MUC5B: variants seen among roughly 807,000 people sequenced by gnomAD.
MUC5B encodes mucin 5B, oligomeric mucus/gel-forming.
MUC5B carries 116 observed loss-of-function variants against 376.9 expected under a neutral mutation model. The observed-to-expected ratio is 0.31, with a 90% CI of 0.26 to 0.36. The LOEUF is 0.36. MUC5B is among the 10% of genes least tolerant of loss of function. MUC5B has a pLI of 1.00. For missense variants in MUC5B, 7,165 were observed against 7,769.9 expected, an observed-to-expected ratio of 0.92 and a Z score of 2.93; for synonymous variants, 3,517 against 3,390.9, an observed-to-expected ratio of 1.04 and a Z score of -1.29.
chr11:1,235,326 C>T lies in MUC5B; in HGVS notation c.2793C>T (p.Thr931=). 6.2e-7 allele frequency: 1 copy of T among 1,613,052 alleles called. No homozygotes were observed. Among genetic ancestry groups the T allele is most frequent in the Non-Finnish European group, 8.5e-7 (1 of 1,179,768 alleles). The change falls in exon 23 of 49, where the codon ACC becomes ACT. Residue 931 remains threonine, a synonymous_variant. Coordinates refer to ENST00000529681, the MANE Select transcript of MUC5B (RefSeq NM_002458.3). ...AGGACTACTGTGGGGACAACACCAC[C>T]CACGGGACCTTCCGCATCGTCACCG... ...LAQDYCGDNT[T]HGTFRIVTEN...
intron 32 of MUC5B, 58 bp from the exon 33 acceptor site, chr11:1,252,751 G>A: frequency 6.5e-7 from 1 of 1,534,348 alleles, no homozygotes. Flanking sequence ...GGTGGGATGA[G>A]CCGTGGATGG....
Position 1,234,941 on chromosome 11 carries a change from C to T in MUC5B, c.2631-144C>T. The stretch of plus-strand genomic sequence containing the variant: ...CGTGCCCTGCATTCACAGTGGGGGA[C>T]ACCACTTCTTCCACGGAGGAGGGGT... On this transcript the variant is annotated intron_variant, in intron 21 of 48. Coordinates refer to ENST00000529681, the MANE Select transcript of MUC5B (RefSeq NM_002458.3). The surrounding 1 kb of genome is among the most constrained non-coding windows in gnomAD (Gnocchi z 6.3). 11 of 1,219,614 alleles carry T rather than the reference C, an allele frequency of 9.0e-6. No individual in the cohort carries two copies. The highest frequency in any genetic ancestry group is 1.2e-5 in the Non-Finnish European group (11 of 901,542). 75.5% of individuals were successfully genotyped at this position (1,219,614 alleles called of 1,614,324 possible). A position where few individuals can be genotyped will look rare whatever the true frequency, so the allele number is the denominator to read the frequency against.
rs567659335 is a variant in MUC5B, at chr11:1,227,409, C to G, written c.667+11C>G. ...AGTTCTATGCCCACAGTGAGTGCCA[C>G]CTGGGTGAGGGGGCGGTGACCAATT... On this transcript the variant is annotated intron_variant, in intron 6 of 48. Transcript: ENST00000529681. 6.9e-6 allele frequency: 11 copies of G among 1,598,398 alleles called. No individual in the cohort carries two copies. In the Admixed American group the frequency reaches 1.7e-4, roughly 25 times the overall value.
chr11:1,243,674 C>A lies in MUC5B; in HGVS notation c.6794C>A (p.Pro2265His), dbSNP rs772342643. 1 of 1,611,580 alleles carries A rather than the reference C, an allele frequency of 6.2e-7. No individual in the cohort carries two copies. The highest frequency in any genetic ancestry group is 1.7e-5 in the Admixed American group (1 of 59,994). ...PHPSSRTTES[P>H]PSPGTTTPGH... is the part of the protein sequence containing the mutation. ...CCTAGCAGCAGAACCACCGAGTCAC[C>A]CCCTTCTCCAGGGACGACCACCCCG... The change falls in exon 31 of 49, where the codon CCC becomes CAC. Residue 2265 changes from proline (P) to histidine (H), a missense_variant. Pro to His is a moderately conservative substitution (Grantham distance 77). Transcript: ENST00000529681.
chr11:1,241,522 G>C lies in MUC5B; in HGVS notation c.4642G>C (p.Glu1548Gln), dbSNP rs940920030. 45 of 1,613,178 alleles carry C rather than the reference G, an allele frequency of 2.8e-5. No homozygotes were observed. The Admixed American group carries it at 6.2e-4, about 22-fold the overall frequency. Residue 1548 changes from glutamate (E) to glutamine (Q), a missense_variant, in exon 31 of 49, where the codon GAG becomes CAG. This residue lies in a region of MUC5B where 517 missense variants were observed against 545.3 expected (regional missense o/e 0.95). Transcript: ENST00000529681. The stretch of plus-strand genomic sequence containing the variant: ...CTTATGCCAGCAGCCTAAGGACATA[G>C]AGTGCCAGGCCGAGAGCTTCCCCAA... ...GHLCQQPKDI[E>Q]CQAESFPNWT...
Position 1,236,432 on chromosome 11 carries a change from G to C in MUC5B, c.2927G>C (p.Arg976Thr). 1.2e-6 allele frequency: 2 copies of C among 1,612,584 alleles called. No individual in the cohort carries two copies. The highest frequency in any genetic ancestry group is 1.7e-4 in the Middle Eastern group (1 of 6,060). ...LQEGTFKAVA[R>T]GPGGDPPYKI... ...GAGGGGACCTTTAAGGCGGTGGCGA[G>C]AGGGCCGGGTGGGGACCCACCCTAC... Residue 976 changes from arginine to threonine, a missense_variant, in exon 24 of 49, where the codon AGA becomes ACA. Arg to Thr is a moderately conservative substitution (Grantham distance 71). This residue lies in a region of MUC5B where 530 missense variants were observed against 604.0 expected (regional missense o/e 0.88). Transcript: ENST00000529681.
In MUC5B at chr11:1,258,230, G is replaced by T; in HGVS notation, c.16555+27G>T. ...TGAGCGGGGCTGGGGCCGGGCTCCT[G>T]GGTGGCCTCTTGCTGGGGGTGGGGG... On this transcript the variant is annotated intron_variant, in intron 42 of 48. Transcript: ENST00000529681. This position sits in a 1 kb window ranked among gnomAD's most constrained non-coding sequence, Gnocchi z 5.5. 2 of 1,573,436 alleles carry T rather than the reference G, an allele frequency of 1.3e-6. No homozygotes were observed. The highest frequency in any genetic ancestry group is 1.3e-5 in the African/African-American group (1 of 74,302).
chr11:1,247,656 C>T lies in MUC5B; in HGVS notation c.10776C>T (p.Gly3592=), dbSNP rs368451919. ...DYSYPMPGPS[G]GDFDTYSNIR... ...GCTACCCCATGCCGGGGCCCTCTGG[C>T]GGGGACTTTGACACCTACTCCAACA... Residue 3592 remains glycine, a synonymous_variant, in exon 31 of 49, where the codon GGC becomes GGT. Transcript: ENST00000529681. The T allele has an allele frequency of 6.6e-4, 1,055 of 1,597,292 alleles. 8 individuals are homozygous for T. The highest frequency in any genetic ancestry group is 8.5e-4 in the Non-Finnish European group (998 of 1,169,426).
chr11:1,228,172 C>A (rs957923582), intron 7 of MUC5B, among the ~76,000 whole-genome samples: 5 of 152,188 alleles, frequency 3.3e-5, no homozygotes, highest in African/African-American at 1.2e-4. Context: ...ATGAGCCCCC[C>A]TGTGAGCTGG....
At position 1,241,841 on chromosome 11, in the gene MUC5B, CAGA is replaced by C. The variant is rs765826981; in HGVS notation, c.4964_4966del (p.Glu1655del). Reference sequence around the variant, plus strand: ...AGCACCACAGCAGTCCCCACCCTCTCAGAAGGACTGACATCCCCCAGATACACA... The same window carrying C: ...AGCACCACAGCAGTCCCCACCCTCTCAGGACTGACATCCCCCAGATACACA... On this transcript the variant is annotated inframe_deletion, in exon 31 of 49. Coordinates refer to ENST00000529681, the MANE Select transcript of MUC5B (RefSeq NM_002458.3). 3 of 1,613,518 alleles carry C rather than the reference CAGA, an allele frequency of 1.9e-6. No homozygotes were observed. The highest frequency in any genetic ancestry group is 2.5e-6 in the Non-Finnish European group (3 of 1,179,728).
intron 25 of MUC5B, among the ~76,000 whole-genome samples, chr11:1,238,307 G>A (rs1261671211): frequency 6.6e-6 from 1 of 152,242 alleles, no homozygotes; most frequent in Non-Finnish European, 1.5e-5. Context: ...ATCAGGGGAC[G>A]AGGCTGACCC....
rs182444794 is a variant in MUC5B at position 1,235,495 on chromosome 11, T to C, written c.2880+82T>C. 4.7e-3 allele frequency: 5,684 copies of C among 1,203,560 alleles called. 25 individuals are homozygous for C. The highest frequency in any genetic ancestry group is 6.0e-3 in the Non-Finnish European group (4,969 of 832,792). The allele number at this position is 1,203,560 out of a possible 1,614,324, so 74.6% of individuals were successfully genotyped here. A position where few individuals can be genotyped will look rare whatever the true frequency, so the allele number is the denominator to read the frequency against. On this transcript the variant is annotated intron_variant, in intron 23 of 48. Coordinates refer to ENST00000529681, the MANE Select transcript of MUC5B (RefSeq NM_002458.3). ...CAGGGAAGCTTCGTGAGGCTTTAGCTGCACCCACAGGTTCTCAGCAGTGTC... is the reference window on the plus strand; with the variant it reads ...CAGGGAAGCTTCGTGAGGCTTTAGCCGCACCCACAGGTTCTCAGCAGTGTC...
Position 1,255,172 on chromosome 11 carries a change from A to G in MUC5B, c.15796A>G (p.Thr5266Ala). ...RKDGCWAPTG[T>A]PPTASPAAPV... ...GGATGGCTGCTGGGCCCCGACTGGC[A>G]CACCCCCCACTGCCAGCCCCGCAGC... is the stretch of plus-strand genomic sequence containing the variant. Residue 5266 changes from threonine (T) to alanine (A), a missense_variant, in exon 36 of 49, where the codon ACA (threonine) becomes GCA (alanine). Physicochemically the swap from Thr to Ala is moderately conservative, Grantham distance 58. Coordinates refer to ENST00000529681, the MANE Select transcript of MUC5B (RefSeq NM_002458.3). 6.4e-7 allele frequency: 1 copy of G among 1,557,038 alleles called. No individual in the cohort carries two copies. The highest frequency in any genetic ancestry group is 8.7e-7 in the Non-Finnish European group (1 of 1,151,412).
intron 7 of MUC5B, 132 bp downstream of exon 7, chr11:1,227,913 C>G: frequency 3.3e-6 from 2 of 610,036 alleles, no homozygotes; most frequent in Non-Finnish European, 5.9e-6. Context: ...GGCAGCCACC[C>G]TCTGTGTGCT....
In MUC5B at chr11:1,260,116, G is replaced by T. The variant is rs753343070; in HGVS notation, c.16923+31G>T. The stretch of plus-strand genomic sequence containing the variant: ...TGCTGGAGGCCCTGCCCCTGCCTGG[G>T]AGTCCTTGTCCATCAGGGAGGCCCA... On this transcript the variant is annotated intron_variant, in intron 46 of 48. Transcript: ENST00000529681. 5 of 1,608,980 alleles carry T rather than the reference G, an allele frequency of 3.1e-6. No homozygotes were observed. The South Asian group carries it at 4.4e-5, about 14-fold the overall frequency.
chr11:1,246,891 C>A lies in MUC5B; in HGVS notation c.10011C>A (p.Thr3337=), dbSNP rs1183489439. 1.9e-6 allele frequency: 3 copies of A among 1,610,792 alleles called. No individual in the cohort carries two copies. The highest frequency in any genetic ancestry group is 1.3e-5 in the African/African-American group (1 of 74,838). ...ALTPPVWIST[T]TTPTTRGSTV... ...CGCCTCCAGTGTGGATCAGCACAAC[C>A]ACCACACCCACAACCAGAGGCTCCA... Residue 3337 remains threonine, a synonymous_variant, in exon 31 of 49, where the codon ACC becomes ACA. Coordinates refer to ENST00000529681, the MANE Select transcript of MUC5B (RefSeq NM_002458.3).
Position 1,234,533 on chromosome 11 carries a change from G to C in MUC5B, c.2483G>C (p.Ser828Thr). ...SCHTLDVGCF[S>T]THCVSGCVCP... ...GTACCTGCCTGGGCCCCACAGTTCAGCACACACTGCGTGTCCGGCTGTGTC... is the reference window on the plus strand; with the variant it reads ...GTACCTGCCTGGGCCCCACAGTTCACCACACACTGCGTGTCCGGCTGTGTC... Residue 828 changes from serine (S) to threonine (T), a missense_variant, in exon 21 of 49, where the codon AGC becomes ACC. By Grantham distance (58) the Ser-to-Thr change is moderately conservative. Transcript: ENST00000529681. The surrounding 1 kb of genome is among the most constrained non-coding windows in gnomAD (Gnocchi z 6.3). 2 of 1,579,344 alleles carry C rather than the reference G, an allele frequency of 1.3e-6. No individual in the cohort carries two copies. Among genetic ancestry groups the C allele is most frequent in the Non-Finnish European group, 1.7e-6 (2 of 1,163,490 alleles).
At position 1,233,087 on chromosome 11, in the gene MUC5B, G is replaced by A. The variant is rs200518574; in HGVS notation, c.2140G>A (p.Gly714Ser). 4.0e-5 allele frequency: 64 copies of A among 1,607,482 alleles called. No individual in the cohort carries two copies. The African/African-American group carries it at 6.9e-4, about 17-fold the overall frequency. ...GGATGCCTGCCAGCCCACTTGCCGCGGCCTGAGTGAGGCCGACGTCACCTG... is the reference window on the plus strand; with the variant it reads ...GGATGCCTGCCAGCCCACTTGCCGCAGCCTGAGTGAGGCCGACGTCACCTG... The part of the protein sequence containing the change: ...VVDACQPTCR[G>S]LSEADVTCSV... Residue 714 changes from glycine to serine, a missense_variant, in exon 18 of 49, where the codon GGC (glycine) becomes AGC (serine). By Grantham distance (56) the Gly-to-Ser change is moderately conservative (BLOSUM62 0). Coordinates refer to ENST00000529681, the MANE Select transcript of MUC5B (RefSeq NM_002458.3).
chr11:1,259,093 C>CCCCCGAGGCACCTGCCCCCAGGTGAGT, intron 44 of MUC5B, 32 bp downstream of exon 44: 2 of 1,512,654 alleles, frequency 1.3e-6, no homozygotes, highest in Non-Finnish European at 1.8e-6. Flanking sequence ...CCCAGGTGAG[C>CCCCCGAGGCACCTGCCCCCAGGTGAGT]CCCCGAGGCA....
Sources: gnomAD v4.1 joint callset for allele counts (sites outside exome capture counted in the v4.1 genomes callset) on GRCh38, gnomAD v4.1.1 for gene constraint, gnomAD v4.1.1 regional missense constraint, Gnocchi (gnomAD v3.1) non-coding constraint, MANE v1.5 for transcripts, NCBI Gene and HGNC (gene_info 2026-07-23, HGNC 2026-07-21) for gene names.